Variants in CSMD3 observed in about 807,000 individuals in gnomAD.
CSMD3 encodes the protein CUB and Sushi multiple domains 3.
In CSMD3, 177 loss-of-function variants were observed where a neutral mutation model predicts 435.2. The ratio of observed to expected loss-of-function variants is 0.41; its 90% CI spans 0.36 to 0.46. The LOEUF (loss-of-function observed/expected upper bound fraction) is 0.46, where lower values mean the gene tolerates loss of function less well. Among genes scored for constraint, CSMD3 ranks in the 20% least tolerant of loss-of-function variants. CSMD3 has a pLI of 0.34. For missense variants in CSMD3, 4,265 were observed against 4,504.6 expected, an observed-to-expected ratio of 0.95 and a Z score of 1.52; for synonymous variants, 1,656 against 1,520.5, an observed-to-expected ratio of 1.09 and a Z score of -2.07.
intron 1 of CSMD3, among the ~76,000 whole-genome samples, chr8:113,416,573 A>G (rs2094582553): frequency 6.6e-6 from 1 of 152,098 alleles, no homozygotes; most frequent in African/African-American, 2.4e-5. Context: ...ATTGAATACT[A>G]GTTTTAGAAT....
At chr8:113,230,671 T>A (rs1180475794) in intron 3 of CSMD3, among the ~76,000 whole-genome samples, 1 of 151,582 alleles carries the variant, frequency 6.6e-6, no homozygotes, top group African/African-American at 2.4e-5. Context: ...AAGCATCCCC[T>A]GTTATTAATG....
chr8:113,142,794 G>T (rs1333475057), intron 4 of CSMD3, among the ~76,000 whole-genome samples: 1 of 150,150 alleles, frequency 6.7e-6, no homozygotes, highest in Non-Finnish European at 1.5e-5. Flanking sequence ...TGAGGTGATG[G>T]CTACCTCAGT....
intron 1 of CSMD3, among the ~76,000 whole-genome samples, chr8:113,326,360 GTT>G (rs11292821): frequency 1.3e-5 from 2 of 151,434 alleles, no homozygotes; most frequent in South Asian, 2.1e-4. Context: ...ATTATTTCTA[GTT>G]TTTTTTCCTG....
At chr8:112,287,603 A>T (rs543800944) in intron 57 of CSMD3, among the ~76,000 whole-genome samples, 5 of 152,110 alleles carry the variant, frequency 3.3e-5, no homozygotes, top group East Asian at 1.9e-4. Context: ...ACCAAAATTT[A>T]AAAAAAACTG....
At chr8:113,182,309 C>G (rs967692820) in intron 3 of CSMD3, among the ~76,000 whole-genome samples, 3 of 151,978 alleles carry the variant, frequency 2.0e-5, no homozygotes, top group Non-Finnish European at 4.4e-5. Flanking sequence ...TCAAATAAAT[C>G]ATATGACTAA....
intron 13 of CSMD3, among the ~76,000 whole-genome samples, chr8:112,764,117 A>G (rs1417356573): frequency 6.6e-6 from 1 of 151,594 alleles, no homozygotes; most frequent in Non-Finnish European, 1.5e-5. Flanking sequence ...AGCAATTTCT[A>G]TACTGTTGAA....
intron 10 of CSMD3, among the ~76,000 whole-genome samples, chr8:112,913,383 C>G (rs1356878066): frequency 6.6e-6 from 1 of 151,792 alleles, no homozygotes; most frequent in East Asian, 2.0e-4. Flanking sequence ...GGAGGTGGAG[C>G]TCAAGTGGTA....
At chr8:113,363,537 G>C (rs891775282) in intron 1 of CSMD3, among the ~76,000 whole-genome samples, 1 of 152,104 alleles carries the variant, frequency 6.6e-6, no homozygotes, top group Non-Finnish European at 1.5e-5. Context: ...GTTCCCGGAG[G>C]CTCTAGTGAA....
chr8:112,952,779 T>C (rs919845172), intron 8 of CSMD3, among the ~76,000 whole-genome samples: 2 of 151,730 alleles, frequency 1.3e-5, no homozygotes, highest in East Asian at 3.9e-4. Context: ...AAATTTATTT[T>C]AAAATTATGG....
chr8:112,393,856 G>T (rs1327759649), intron 35 of CSMD3, among the ~76,000 whole-genome samples: 1 of 150,008 alleles, frequency 6.7e-6, no homozygotes, highest in East Asian at 2.0e-4. Flanking sequence ...ATACTCTCCT[G>T]GTTTTCTTCT....
intron 67 of CSMD3, among the ~76,000 whole-genome samples, chr8:112,236,455 GT>G (rs1473718607): frequency 6.6e-6 from 1 of 151,922 alleles, no homozygotes; most frequent in Non-Finnish European, 1.5e-5. Context: ...ATTTTATATT[GT>G]TAGAATATAG....
chr8:112,556,275 A>G (rs1649054244), intron 25 of CSMD3, among the ~76,000 whole-genome samples: 1 of 151,938 alleles, frequency 6.6e-6, no homozygotes, highest in Non-Finnish European at 1.5e-5. Flanking sequence ...TAGCTTCACG[A>G]AAGCAATATA....
rs1295544564 is a variant in CSMD3, at chr8:112,296,350, G to C, written c.8441-344C>G. Reference sequence around the variant, plus strand: ...GCAGATCACGAGGTCAGGAGATTGAGACCATCCTGGCTAACACGATGAAAC... The same window carrying C: ...GCAGATCACGAGGTCAGGAGATTGACACCATCCTGGCTAACACGATGAAAC... On this transcript the variant is annotated intron_variant, in intron 53 of 70. Transcript: ENST00000297405. 3.3e-5 allele frequency among the ~76,000 whole-genome samples: 5 copies of C among 151,954 alleles called. No homozygotes were observed. In the East Asian group the frequency reaches 9.7e-4, roughly 29 times the overall value.
chr8:112,553,900 C>G (rs1212331891), intron 25 of CSMD3, among the ~76,000 whole-genome samples: 1 of 151,838 alleles, frequency 6.6e-6, no homozygotes, highest in African/African-American at 2.4e-5. Context: ...GTCAACTTGG[C>G]TGGGCTATTA....
At chr8:112,976,275 A>T (rs2084844627) in intron 6 of CSMD3, 127 bp from the exon 7 acceptor site, 1 of 1,073,030 alleles carries the variant, frequency 9.3e-7, no homozygotes, top group African/African-American at 1.6e-5. Flanking sequence ...GAGGCAAAAC[A>T]CAAACACGCG....
In CSMD3 at chr8:112,261,787, G is replaced by T. The variant is rs1052080558; in HGVS notation, c.9862+1852C>A. ...ACCCACCCATCATGAGTCTATAGAA[G>T]TTTATGGTACTCCATATCCTCACTA... is the stretch of plus-strand genomic sequence containing the variant. On this transcript the variant is annotated intron_variant, in intron 61 of 70. Coordinates refer to ENST00000297405, the MANE Select transcript of CSMD3 (RefSeq NM_198123.2). Among the ~76,000 whole-genome samples the T allele has an allele frequency of 6.6e-5, 10 of 151,796 alleles. 1 individual carries two copies. The highest frequency in any genetic ancestry group is 6.6e-4 in the Admixed American group (10 of 15,224).
chr8:112,431,785 C>G (rs1320974522), intron 32 of CSMD3, among the ~76,000 whole-genome samples: 1 of 152,108 alleles, frequency 6.6e-6, no homozygotes, highest in African/African-American at 2.4e-5. Flanking sequence ...GGCAATTGTT[C>G]ATGAAGTTCT....
intron 4 of CSMD3, among the ~76,000 whole-genome samples, chr8:113,156,778 A>AAATAAAT (rs57751964): frequency 1.4e-5 from 2 of 142,346 alleles, no homozygotes; most frequent in Admixed American, 6.9e-5. Flanking sequence ...ATAAATAAAT[A>AAATAAAT]AAGTTAGCCA....
At chr8:112,974,704 G>T (rs776778875) in intron 7 of CSMD3, among the ~76,000 whole-genome samples, 1 of 151,738 alleles carries the variant, frequency 6.6e-6, no homozygotes, top group Non-Finnish European at 1.5e-5. Flanking sequence ...CCTCATTAAA[G>T]AGAATCAAAG....
Sources: allele counts gnomAD v4.1 joint callset (sites outside exome capture counted in the v4.1 genomes callset), GRCh38; gene constraint gnomAD v4.1.1; transcripts MANE v1.5; gene names NCBI Gene and HGNC (gene_info 2026-07-23, HGNC 2026-07-21).